Variants in FAR2 observed in about 807,000 individuals in gnomAD.
FAR2 encodes the protein epididymis secretory protein Li 81.
Under a neutral mutation model 56.0 loss-of-function variants are expected in FAR2, and 19 were observed. The observed-to-expected ratio is 0.34, with a 90% CI of 0.24 to 0.50. The LOEUF (loss-of-function observed/expected upper bound fraction) is 0.50, where lower values mean the gene tolerates loss of function less well. FAR2 is among the 20% of genes least tolerant of loss of function. FAR2 has a pLI of 0.98. For synonymous variants in FAR2, 219 were observed against 218.8 expected (o/e 1.00, Z -0.01); for missense variants, 508 against 642.2 (o/e 0.79, Z 2.26).
intron 1 of FAR2, among the ~76,000 whole-genome samples, chr12:29,269,504 C>T (rs1439189876): frequency 6.6e-6 from 1 of 152,196 alleles, no homozygotes; most frequent in Non-Finnish European, 1.5e-5. Context: ...AGGCGACATA[C>T]ATCCTCCTCA....
At chr12:29,236,711 C>T (rs1203177202) in intron 1 of FAR2, among the ~76,000 whole-genome samples, 1 of 152,032 alleles carries the variant, frequency 6.6e-6, no homozygotes, top group Non-Finnish European at 1.5e-5. Context: ...CCTCCCTCGA[C>T]ACCTGGGGAT....
At position 29,219,774 on chromosome 12, in the gene FAR2, C is replaced by CT. The variant is rs1947664444; in HGVS notation, c.-38-50638_-38-50637insT. Among the ~76,000 whole-genome samples, 7 of 152,074 alleles carry CT rather than the reference C, an allele frequency of 4.6e-5. No homozygotes were observed. The South Asian group carries it at 1.2e-3, about 27-fold the overall frequency. ...CAGCTCTTTCATTTCCAGAAGACCC[C>CT]CAAAGGAGGAAAGTGATATCATCGT... On this transcript the variant is annotated intron_variant, in intron 1 of 11. Coordinates refer to ENST00000536681, the MANE Select transcript of FAR2 (RefSeq NM_001271783.2).
chr12:29,209,692 C>CTGTGTGTGTGTGTGTG (rs34881464), intron 1 of FAR2, among the ~76,000 whole-genome samples: 4 of 149,078 alleles, frequency 2.7e-5, no homozygotes, highest in Non-Finnish European at 6.0e-5. Flanking sequence ...GATGTCTGCT[C>CTGTGTGTGTGTGTGTG]TGTGTGTGTG....
At chr12:29,276,315 T>C (rs1393170502) in intron 2 of FAR2, among the ~76,000 whole-genome samples, 1 of 152,156 alleles carries the variant, frequency 6.6e-6, no homozygotes, top group Non-Finnish European at 1.5e-5. Context: ...TTTTTTCCCA[T>C]AAATTTTTCC....
At chr12:29,214,154 G>A (rs995290673) in intron 1 of FAR2, among the ~76,000 whole-genome samples, 3 of 152,162 alleles carry the variant, frequency 2.0e-5, no homozygotes, top group Non-Finnish European at 2.9e-5. Flanking sequence ...GCTTGGATGC[G>A]TTATTCCAAT....
chr12:29,249,424 A>G lies in FAR2; in HGVS notation c.-38-20988A>G, dbSNP rs563079435. 1.1e-3 allele frequency among the ~76,000 whole-genome samples: 166 copies of G among 152,316 alleles called. 1 individual carries two copies. The highest frequency in any genetic ancestry group is 2.0e-3 in the Non-Finnish European group (133 of 68,026). Reference sequence around the variant, plus strand: ...ACACTACATTTTTCAACATCATTAAATAGCCATTTGTTTCAACTTTTAACA... The same window carrying G: ...ACACTACATTTTTCAACATCATTAAGTAGCCATTTGTTTCAACTTTTAACA... On this transcript the variant is annotated intron_variant, in intron 1 of 11. Transcript: ENST00000536681.
At chr12:29,328,993 G>A (rs1949691241) in intron 10 of FAR2, among the ~76,000 whole-genome samples, 1 of 152,034 alleles carries the variant, frequency 6.6e-6, no homozygotes, top group Non-Finnish European at 1.5e-5. Flanking sequence ...TACTGAGTGT[G>A]ATTCAAATCC....
In FAR2 at chr12:29,305,921, G is replaced by A. The variant is rs568861841; in HGVS notation, c.546-1737G>A. On this transcript the variant is annotated intron_variant, in intron 4 of 11. Coordinates refer to ENST00000536681, the MANE Select transcript of FAR2 (RefSeq NM_001271783.2). ...TCCATGTACCCCAACATTAATGACA[G>A]CAACTGGTACTAGCCATGTGACATA... 4.0e-5 allele frequency among the ~76,000 whole-genome samples: 6 copies of A among 151,234 alleles called. No homozygotes were observed. In the East Asian group the frequency reaches 5.8e-4, roughly 15 times the overall value.
intron 2 of FAR2, among the ~76,000 whole-genome samples, chr12:29,273,163 T>C (rs1482943517): frequency 1.3e-5 from 2 of 152,130 alleles, no homozygotes; most frequent in Non-Finnish European, 2.9e-5. Context: ...CTTTGTCCCT[T>C]GGTGGAGAGG....
At chr12:29,174,874 G>A (rs1043304520) in intron 1 of FAR2, among the ~76,000 whole-genome samples, 7 of 152,178 alleles carry the variant, frequency 4.6e-5, no homozygotes, top group Non-Finnish European at 1.0e-4. Context: ...TTCCACTCAT[G>A]GCCACAAGGT....
chr12:29,176,241 G>C (rs1260601974), intron 1 of FAR2, among the ~76,000 whole-genome samples: 1 of 152,136 alleles, frequency 6.6e-6, no homozygotes, highest in African/African-American at 2.4e-5. Flanking sequence ...ATGGATATAA[G>C]ATATTTATTT....
intron 1 of FAR2, among the ~76,000 whole-genome samples, chr12:29,261,896 G>T (rs1240918699): frequency 1.3e-5 from 2 of 152,184 alleles, no homozygotes; most frequent in Admixed American, 1.3e-4. Context: ...ATCAACACCA[G>T]ACCTGTCCTA....
At chr12:29,234,606 A>C (rs12299148) in intron 1 of FAR2, among the ~76,000 whole-genome samples, 7,090 of 152,166 alleles carry the variant, frequency 0.047, 411 homozygotes, top group African/African-American at 0.13. Flanking sequence ...CAACTTTCTA[A>C]ATTGCAGATC....
chr12:29,294,747 A>G (rs1949029097), intron 3 of FAR2, among the ~76,000 whole-genome samples: 1 of 152,212 alleles, frequency 6.6e-6, no homozygotes, highest in Admixed American at 6.5e-5. Context: ...AATTTCTCCT[A>G]GTATTTTTAT....
At chr12:29,225,679 T>C (rs1448809794) in intron 1 of FAR2, among the ~76,000 whole-genome samples, 1 of 152,174 alleles carries the variant, frequency 6.6e-6, no homozygotes, top group Non-Finnish European at 1.5e-5. Flanking sequence ...GGCAAATGCT[T>C]ACTTGGAAAT....
chr12:29,293,611 C>T (rs987654149), intron 3 of FAR2, 136 bp downstream of exon 3: 1 of 725,360 alleles, frequency 1.4e-6, no homozygotes, highest in Non-Finnish European at 2.0e-6. Context: ...CAAAATCCCA[C>T]CATCTAGAAA....
rs115546526 is a variant in FAR2 at position 29,315,799 on chromosome 12, T to A, written c.956-1042T>A. Among the ~76,000 whole-genome samples the A allele has an allele frequency of 6.6e-3, 1,011 of 152,254 alleles. 12 individuals are homozygous for A. Among genetic ancestry groups the A allele is most frequent in the African/African-American group, 0.023 (958 of 41,540 alleles). On this transcript the variant is annotated intron_variant, in intron 8 of 11. Transcript: ENST00000536681. Reference sequence around the variant, plus strand: ...GTGAAGAAGCAAGTTTGTGTATGCATTGGGAAGGGGGTGGTTGGTAGTGGG... The same window carrying A: ...GTGAAGAAGCAAGTTTGTGTATGCAATGGGAAGGGGGTGGTTGGTAGTGGG...
intron 3 of FAR2, among the ~76,000 whole-genome samples, chr12:29,295,756 A>ATTTTTTT (rs61390530): frequency 4.2e-4 from 37 of 88,380 alleles, no homozygotes; most frequent in Admixed American, 1.1e-3. Context: ...TTTTTACGTA[A>ATTTTTTT]TTTTTTTTTT....
chr12:29,224,275 G>A lies in FAR2; in HGVS notation c.-38-46137G>A, dbSNP rs567204244. On this transcript the variant is annotated intron_variant, in intron 1 of 11. Transcript: ENST00000536681. ...TGAGGGGGTTGGAAGGATGGATGGAGGAAGACAGTTGTTTCCAGTCTCTGA... is the reference window on the plus strand; with the variant it reads ...TGAGGGGGTTGGAAGGATGGATGGAAGAAGACAGTTGTTTCCAGTCTCTGA... 4.6e-5 allele frequency among the ~76,000 whole-genome samples: 7 copies of A among 152,282 alleles called. No individual in the cohort carries two copies. In the East Asian group the frequency reaches 1.4e-3, roughly 29 times the overall value.
Sources: gnomAD v4.1 joint callset for allele counts (sites outside exome capture counted in the v4.1 genomes callset) on GRCh38, gnomAD v4.1.1 for gene constraint, MANE v1.5 for transcripts, NCBI Gene and HGNC (gene_info 2026-07-23, HGNC 2026-07-21) for gene names.